AKAP6: variants seen among roughly 807,000 people sequenced by gnomAD.
The protein encoded by AKAP6 is A-kinase anchor protein 6.
A neutral mutation model predicts 188.5 loss-of-function variants in AKAP6; 58 were observed. The observed-to-expected ratio is 0.31, with a 90% CI of 0.25 to 0.38. AKAP6 has a LOEUF of 0.38. AKAP6 is among the 10% of genes least tolerant of loss of function. The pLI, the probability that AKAP6 is intolerant of heterozygous loss-of-function variation, is 1.00. For missense variants in AKAP6, 2,710 were observed against 2,740.0 expected (o/e 0.99, Z 0.24); for synonymous variants, 989 against 998.6 (o/e 0.99, Z 0.18).
chr14:32,447,165 A>C (rs1455500531), intron 2 of AKAP6, among the ~76,000 whole-genome samples: 3 of 152,180 alleles, frequency 2.0e-5, no homozygotes, highest in African/African-American at 7.2e-5. Context: ...CTCAGCCTGC[A>C]CTGCTCTGAG....
Position 32,822,442 on chromosome 14 carries a change from T to G in AKAP6, c.4629T>G (p.Ser1543Arg), listed in dbSNP as rs200075752. The change falls in exon 13 of 14, where the codon AGT becomes AGG. Residue 1543 changes from serine to arginine, a missense_variant. Physicochemically the swap from Ser to Arg is moderately radical, Grantham distance 110. Transcript: ENST00000280979. ...SHEMDRISYK[S>R]GNIEKTFTGM... Reference sequence around the variant, plus strand: ...AAATGGATCGCATTTCATATAAAAGTGGCAATATAGAAAAGACATTCACTG... The same window carrying G: ...AAATGGATCGCATTTCATATAAAAGGGGCAATATAGAAAAGACATTCACTG... 14 of 1,614,006 alleles carry G rather than the reference T, an allele frequency of 8.7e-6. No individual in the cohort carries two copies. In the East Asian group the frequency reaches 3.1e-4, roughly 36 times the overall value.
intron 7 of AKAP6, among the ~76,000 whole-genome samples, chr14:32,664,590 T>G (rs2139588617): frequency 6.6e-6 from 1 of 152,306 alleles, no homozygotes; most frequent in African/African-American, 2.4e-5. Flanking sequence ...ATGGGTATAT[T>G]TGTGATAATT....
At chr14:32,408,531 T>C (rs1394018917) in intron 1 of AKAP6, among the ~76,000 whole-genome samples, 3 of 148,548 alleles carry the variant, frequency 2.0e-5, no homozygotes, top group Non-Finnish European at 4.5e-5. Flanking sequence ...ATATATAATA[T>C]ATAATTTATA....
At chr14:32,656,219 CTTTCTGT>C (rs756281441) in intron 7 of AKAP6, among the ~76,000 whole-genome samples, 3 of 151,900 alleles carry the variant, frequency 2.0e-5, no homozygotes, top group African/African-American at 4.8e-5. Context: ...AAACATAAAT[CTTTCTGT>C]TTTATGTGAC....
At chr14:32,713,929 C>T (rs1272866170) in intron 9 of AKAP6, among the ~76,000 whole-genome samples, 5 of 152,048 alleles carry the variant, frequency 3.3e-5, no homozygotes, top group South Asian at 2.1e-4. Context: ...CAAGAGGCCT[C>T]GTTTTCAGAC....
chr14:32,767,916 T>C (rs965783677), intron 11 of AKAP6, among the ~76,000 whole-genome samples: 2 of 152,198 alleles, frequency 1.3e-5, no homozygotes, highest in Non-Finnish European at 2.9e-5. Flanking sequence ...TACAACCTGA[T>C]GGTCTTACAG....
intron 12 of AKAP6, among the ~76,000 whole-genome samples, chr14:32,784,131 G>A (rs1014880333): frequency 6.6e-6 from 1 of 152,160 alleles, no homozygotes; most frequent in Admixed American, 6.5e-5. Context: ...TAAGAAAAAG[G>A]CGTAAGCAAG....
intron 2 of AKAP6, among the ~76,000 whole-genome samples, chr14:32,440,860 G>A (rs1890551921): frequency 6.6e-6 from 1 of 151,920 alleles, no homozygotes; most frequent in Non-Finnish European, 1.5e-5. Context: ...CCTTTTTTTG[G>A]TGGATGGGTG....
At chr14:32,386,746 A>G (rs987433959) in intron 1 of AKAP6, among the ~76,000 whole-genome samples, 4 of 152,090 alleles carry the variant, frequency 2.6e-5, no homozygotes, top group African/African-American at 9.7e-5. Flanking sequence ...CAGGTCTTAG[A>G]TTGAAGTCCT....
In AKAP6 at chr14:32,545,476, C is replaced by T; in HGVS notation, c.823C>T (p.Leu275Phe). 1.2e-6 allele frequency: 2 copies of T among 1,614,194 alleles called. No individual in the cohort carries two copies. Among genetic ancestry groups the T allele is most frequent in the African/African-American group, 1.3e-5 (1 of 75,046 alleles). Residue 275 changes from leucine to phenylalanine, a missense_variant, in exon 4 of 14, where the codon CTT becomes TTT. Leu to Phe is a conservative substitution (Grantham distance 22). Transcript: ENST00000280979. ...TGAGCTTATCCGAAGTGTTGGTTTA[C>T]TTACGGTAGCTGCTGACTCTATCTC... The part of the protein sequence containing the change: ...FPELIRSVGL[L>F]TVAADSISTN...
intron 1 of AKAP6, among the ~76,000 whole-genome samples, chr14:32,374,892 T>G (rs1951683): frequency 0.33 from 50,856 of 152,162 alleles, 9,707 homozygotes; most frequent in Admixed American, 0.41. Context: ...TAACTAGTGT[T>G]CATTGTTTGT....
rs117108735 is a variant in AKAP6, at chr14:32,364,926, G to A, written c.-35+35518G>A. ...AATTTATAAGAAAAGAGTTAAGGAC[G>A]AAATTATAGTTAATAATAGAATCAG... On this transcript the variant is annotated intron_variant, in intron 1 of 13. Coordinates refer to ENST00000280979, the MANE Select transcript of AKAP6 (RefSeq NM_004274.5). 9.5e-4 allele frequency among the ~76,000 whole-genome samples: 144 copies of A among 152,224 alleles called. 3 individuals are homozygous for A. In the East Asian group the frequency reaches 0.026, roughly 27 times the overall value.
In AKAP6 at chr14:32,824,512, A is replaced by G; in HGVS notation, c.6699A>G (p.Gln2233=). 6.2e-7 allele frequency: 1 copy of G among 1,613,988 alleles called. No homozygotes were observed. Among genetic ancestry groups the G allele is most frequent in the Non-Finnish European group, 8.5e-7 (1 of 1,179,952 alleles). ...GAAAGGAAGTGAATGGTTTGCCCCA[A>G]ACTTCCAGTGGCTGTGCAGAAAACT... is the stretch of plus-strand genomic sequence containing the variant. ...EVGKEVNGLP[Q]TSSGCAENLE... Residue 2233 remains glutamine (Q), a synonymous_variant, in exon 13 of 14, where the codon CAA becomes CAG. Coordinates refer to ENST00000280979, the MANE Select transcript of AKAP6 (RefSeq NM_004274.5).
At chr14:32,470,204 G>A (rs1405692828) in intron 2 of AKAP6, among the ~76,000 whole-genome samples, 1 of 152,088 alleles carries the variant, frequency 6.6e-6, no homozygotes, top group Non-Finnish European at 1.5e-5. Context: ...TGGACTGGAC[G>A]CTTGGGCCAC....
chr14:32,614,706 T>C (rs967666187), intron 7 of AKAP6, among the ~76,000 whole-genome samples: 6 of 152,118 alleles, frequency 3.9e-5, no homozygotes, highest in Admixed American at 2.6e-4. Flanking sequence ...CTTTCTTTCA[T>C]GGTGTGTGGT....
intron 1 of AKAP6, among the ~76,000 whole-genome samples, chr14:32,356,851 A>C (rs1887501882): frequency 6.6e-6 from 1 of 151,938 alleles, no homozygotes; most frequent in African/African-American, 2.4e-5. Flanking sequence ...GCTAATTTGT[A>C]CTCATCTATC....
chr14:32,524,179 A>C (rs967715524), intron 2 of AKAP6, among the ~76,000 whole-genome samples: 1 of 151,838 alleles, frequency 6.6e-6, no homozygotes, highest in Non-Finnish European at 1.5e-5. Context: ...TGGAGAAGAG[A>C]CTTAAAAGAC....
intron 1 of AKAP6, among the ~76,000 whole-genome samples, chr14:32,388,049 C>CT (rs907483267): frequency 6.6e-6 from 1 of 151,922 alleles, no homozygotes; most frequent in Non-Finnish European, 1.5e-5. Flanking sequence ...TTTAGGGTAT[C>CT]TAACTCTTCC....
chr14:32,421,269 C>T (rs189973706), intron 1 of AKAP6, among the ~76,000 whole-genome samples: 242 of 152,138 alleles, frequency 1.6e-3, no homozygotes, highest in African/African-American at 5.4e-3. Context: ...TTGACGATTC[C>T]TCCTTTCTCT....
Sources: allele counts gnomAD v4.1 joint callset (sites outside exome capture counted in the v4.1 genomes callset), GRCh38; gene constraint gnomAD v4.1.1; transcripts MANE v1.5; gene names NCBI Gene and HGNC (gene_info 2026-07-23, HGNC 2026-07-21).